Variants in ABCC9 observed in about 807,000 individuals in gnomAD.
ABCC9 encodes ATP-binding cassette sub-family C member 9.
Under a neutral mutation model 188.3 loss-of-function variants are expected in ABCC9, and 95 were observed. The ratio of observed to expected loss-of-function variants is 0.50; its 90% CI spans 0.43 to 0.60. ABCC9 has a LOEUF of 0.60. Ranked by LOEUF, ABCC9 falls within the 20% of genes least tolerant of loss-of-function variation. ABCC9 has a pLI of 0.00. For missense variants in ABCC9, 1,102 were observed against 1,876.3 expected (o/e 0.59, Z 7.62); for synonymous variants, 659 against 652.7 (o/e 1.01, Z -0.15).
At chr12:21,939,398 A>C (rs1051467751) in intron 2 of ABCC9, among the ~76,000 whole-genome samples, 3 of 152,186 alleles carry the variant, frequency 2.0e-5, no homozygotes, top group African/African-American at 7.2e-5. Context: ...CAGTAAACTT[A>C]TTGCTGATAT....
chr12:21,833,891 A>G (rs939507069), intron 30 of ABCC9, among the ~76,000 whole-genome samples: 8 of 152,152 alleles, frequency 5.3e-5, no homozygotes, highest in Non-Finnish European at 1.0e-4. Flanking sequence ...GAAAATGTCT[A>G]GTTCATTATC....
rs1468509509 is a variant in ABCC9 at position 21,908,187 on chromosome 12, A to G, written c.1345T>C (p.Tyr449His). 2 of 1,612,700 alleles carry G rather than the reference A, an allele frequency of 1.2e-6. No individual in the cohort carries two copies. Among genetic ancestry groups the G allele is most frequent in the East Asian group, 4.5e-5 (2 of 44,830 alleles). The change falls in exon 11 of 40, where the codon TAT becomes CAT. Residue 449 changes from tyrosine to histidine, a missense_variant. Physicochemically the swap from Tyr to His is moderately conservative, Grantham distance 83. Around this residue, in one of 12 missense-constraint regions of ABCC9, gnomAD observed 305 missense variants for 573.0 expected, o/e 0.53. Coordinates refer to ENST00000261200, the MANE Select transcript of ABCC9 (RefSeq NM_020297.4). ...VQIIMGVILLYNLLGSSALVG... is the reference protein window; with the variant it reads ...VQIIMGVILLHNLLGSSALVG... ...AATGCACTTGATCCAAGTAAATTAT[A>G]GAGCAGAATCACGCCCATTATGATC...
chr12:21,894,081 G>A lies in ABCC9; in HGVS notation c.1753C>T (p.Leu585=). 1 of 1,614,080 alleles carries A rather than the reference G, an allele frequency of 6.2e-7. No individual in the cohort carries two copies. Among genetic ancestry groups the A allele is most frequent in the Middle Eastern group, 1.6e-4 (1 of 6,062 alleles). ...LSLFHILVTP[L]FLLSTVVRFA... ...CTGACCACCGTGGAGAGCAGGAACAGTGGTGTGACCAGGATATGGAAGAGA... is the reference window on the plus strand; with the variant it reads ...CTGACCACCGTGGAGAGCAGGAACAATGGTGTGACCAGGATATGGAAGAGA... The change falls in exon 14 of 40, where the codon CTG becomes TTG. Residue 585 remains leucine (L), a synonymous_variant. Coordinates refer to ENST00000261200, the MANE Select transcript of ABCC9 (RefSeq NM_020297.4).
chr12:21,926,229 C>T (rs1274351123), intron 4 of ABCC9, among the ~76,000 whole-genome samples, 166 bp from the exon 5 acceptor site: 1 of 152,104 alleles, frequency 6.6e-6, no homozygotes, highest in Non-Finnish European at 1.5e-5. Flanking sequence ...TATTGAAAGA[C>T]ATCGTTCTGC....
At position 21,908,151 on chromosome 12, in the gene ABCC9, C is replaced by G. The variant is rs374535641; in HGVS notation, c.1381G>C (p.Ala461Pro). Reference sequence around the variant, plus strand: ...ATTGGCGCAAGGAGCACAATGACAGCTGCACCGACCAATGCACTTGATCCA... The same window carrying G: ...ATTGGCGCAAGGAGCACAATGACAGGTGCACCGACCAATGCACTTGATCCA... ...LLGSSALVGA[A>P]VIVLLAPIQY... Residue 461 changes from alanine to proline, a missense_variant, in exon 11 of 40, where the codon GCT (alanine) becomes CCT (proline). Physicochemically the swap from Ala to Pro is conservative, Grantham distance 27. Transcript: ENST00000261200. 4.3e-6 allele frequency: 7 copies of G among 1,612,582 alleles called. No homozygotes were observed. The highest frequency in any genetic ancestry group is 2.7e-5 in the African/African-American group (2 of 74,836).
intron 31 of ABCC9, among the ~76,000 whole-genome samples, chr12:21,820,925 C>G (rs1269129248): frequency 6.6e-6 from 1 of 152,172 alleles, no homozygotes; most frequent in Non-Finnish European, 1.5e-5. Context: ...TCTATCTACT[C>G]TCATTAGAAT....
chr12:21,829,409 G>A (rs1019766853), intron 30 of ABCC9, among the ~76,000 whole-genome samples: 5 of 151,938 alleles, frequency 3.3e-5, no homozygotes, highest in East Asian at 1.9e-4. Flanking sequence ...CACCGTGTTA[G>A]CCAGGATGGT....
At chr12:21,862,864 A>G in intron 20 of ABCC9, 89 bp downstream of exon 20, 1 of 863,756 alleles carries the variant, frequency 1.2e-6, no homozygotes, top group Non-Finnish European at 1.9e-6. Context: ...TACCAGATGT[A>G]AAGGTTCCAG....
At chr12:21,930,583 A>G (rs1949243306) in intron 4 of ABCC9, among the ~76,000 whole-genome samples, 1 of 152,218 alleles carries the variant, frequency 6.6e-6, no homozygotes, top group East Asian at 1.9e-4. Context: ...CCAGTGGAGC[A>G]GAAAGGTGGA....
intron 18 of ABCC9, among the ~76,000 whole-genome samples, chr12:21,866,036 G>A (rs1945761537): frequency 6.8e-6 from 1 of 147,944 alleles, no homozygotes; most frequent in Non-Finnish European, 1.5e-5. Flanking sequence ...ATGTCAGAGG[G>A]AAAATTAAGA....
At chr12:21,811,928 T>C (rs1942269575) in intron 36 of ABCC9, 121 bp downstream of exon 36, 2 of 733,898 alleles carry the variant, frequency 2.7e-6, no homozygotes, top group Admixed American at 4.0e-5. Flanking sequence ...GGATGGTATA[T>C]TTGATTTTAT....
At chr12:21,825,236 C>G (rs1423620570) in intron 31 of ABCC9, among the ~76,000 whole-genome samples, 1 of 152,154 alleles carries the variant, frequency 6.6e-6, no homozygotes, top group African/African-American at 2.4e-5. Context: ...ACAGTGTGGC[C>G]ATTCCTCAAG....
At chr12:21,831,309 A>G (rs995613864) in intron 30 of ABCC9, 1 of 152,036 alleles carries the variant, frequency 6.6e-6, no homozygotes, top group South Asian at 2.1e-4. Context: ...ACCTTGGCTC[A>G]TTCTTTTTTG....
chr12:21,905,197 C>T (rs1221109770), intron 12 of ABCC9, among the ~76,000 whole-genome samples: 1 of 152,122 alleles, frequency 6.6e-6, no homozygotes, highest in African/African-American at 2.4e-5. Flanking sequence ...CACATGTTCT[C>T]ACTCATAGGT....
At chr12:21,897,114 C>T (rs2137762625) in intron 12 of ABCC9, among the ~76,000 whole-genome samples, 2 of 152,276 alleles carry the variant, frequency 1.3e-5, no homozygotes, top group Middle Eastern at 3.4e-3. Flanking sequence ...AATTGCTATT[C>T]TGACTGGCGT....
chr12:21,920,437 T>C (rs936773579), intron 5 of ABCC9, among the ~76,000 whole-genome samples: 1 of 152,048 alleles, frequency 6.6e-6, no homozygotes, highest in African/African-American at 2.4e-5. Flanking sequence ...TTTTATTTTA[T>C]TTTTTATTTG....
intron 15 of ABCC9, among the ~76,000 whole-genome samples, chr12:21,884,877 G>C (rs1022060666): frequency 3.3e-5 from 5 of 152,156 alleles, no homozygotes; most frequent in Non-Finnish European, 7.4e-5. Context: ...CTGCATGAGA[G>C]GTTGTAGAAA....
intron 4 of ABCC9, among the ~76,000 whole-genome samples, chr12:21,931,575 A>G (rs1056039684): frequency 6.6e-6 from 1 of 152,098 alleles, no homozygotes; most frequent in Admixed American, 6.5e-5. Context: ...CCATTAGGAT[A>G]TATCATTATT....
chr12:21,832,857 A>G (rs897623751), intron 30 of ABCC9, among the ~76,000 whole-genome samples: 2 of 152,188 alleles, frequency 1.3e-5, no homozygotes. Flanking sequence ...CAACTGCAAA[A>G]ATATGGAACC....
Sources: gnomAD v4.1 joint callset for allele counts (sites outside exome capture counted in the v4.1 genomes callset) on GRCh38, gnomAD v4.1.1 for gene constraint, gnomAD v4.1.1 regional missense constraint, MANE v1.5 for transcripts, NCBI Gene and HGNC (gene_info 2026-07-23, HGNC 2026-07-21) for gene names.